SLC9A9: variants seen among roughly 807,000 people sequenced by gnomAD.
The protein encoded by SLC9A9 is sodium/hydrogen exchanger 9.
Under a neutral mutation model 77.8 loss-of-function variants are expected in SLC9A9, and 62 were observed. That is an observed-to-expected ratio of 0.80 (90% CI 0.65 to 0.98). The LOEUF (loss-of-function observed/expected upper bound fraction) is 0.98, where lower values mean the gene tolerates loss of function less well. Among genes scored for constraint, SLC9A9 ranks in the 50% least tolerant of loss-of-function variants. The pLI is 0.00. For missense variants in SLC9A9, 775 were observed against 774.9 expected (o/e 1.00, Z 0.00); for synonymous variants, 320 against 283.5 (o/e 1.13, Z -1.29).
chr3:143,450,208 A>G (rs894407912), intron 12 of SLC9A9, among the ~76,000 whole-genome samples: 1 of 136,758 alleles, frequency 7.3e-6, no homozygotes, highest in African/African-American at 2.7e-5. Flanking sequence ...AAATATATAA[A>G]TAATAAGATA....
intron 14 of SLC9A9, among the ~76,000 whole-genome samples, chr3:143,328,240 T>A (rs149177895): frequency 6.6e-6 from 1 of 152,368 alleles, no homozygotes; most frequent in East Asian, 1.9e-4. Flanking sequence ...CAGAGGAAAC[T>A]ATGTGTGGGA....
intron 5 of SLC9A9, among the ~76,000 whole-genome samples, chr3:143,670,681 C>A (rs2108764808): frequency 6.6e-6 from 1 of 152,310 alleles, no homozygotes; most frequent in East Asian, 1.9e-4. Context: ...CTTCTCCCCA[C>A]CAGGTGGTAC....
chr3:143,526,748 G>A (rs780803666), intron 9 of SLC9A9, among the ~76,000 whole-genome samples: 2 of 152,106 alleles, frequency 1.3e-5, no homozygotes, highest in African/African-American at 4.8e-5. Context: ...TCCTTGCCAG[G>A]GTTTGAGGCT....
intron 14 of SLC9A9, among the ~76,000 whole-genome samples, chr3:143,320,211 T>A (rs796919994): frequency 7.9e-5 from 12 of 152,376 alleles, no homozygotes; most frequent in African/African-American, 2.9e-4. Context: ...TACTATCGTA[T>A]CCTCAGTGCC....
intron 4 of SLC9A9, among the ~76,000 whole-genome samples, chr3:143,782,309 T>C (rs2007906388): frequency 6.6e-6 from 1 of 152,176 alleles, no homozygotes; most frequent in South Asian, 2.1e-4. Context: ...GATAGCAAAT[T>C]TCAGTGTGCT....
At chr3:143,827,990 C>T (rs150437371) in intron 2 of SLC9A9, among the ~76,000 whole-genome samples, 9 of 152,132 alleles carry the variant, frequency 5.9e-5, no homozygotes, top group Non-Finnish European at 1.2e-4. Context: ...GGTCTTAGCC[C>T]CAGGTGCCCT....
chr3:143,463,029 C>G (rs571315689), intron 12 of SLC9A9, among the ~76,000 whole-genome samples: 1 of 152,218 alleles, frequency 6.6e-6, no homozygotes, highest in East Asian at 1.9e-4. Context: ...AGGTTATATA[C>G]TTTGCATTTT....
At chr3:143,368,129 C>T (rs1559885357) in intron 13 of SLC9A9, among the ~76,000 whole-genome samples, 1 of 152,014 alleles carries the variant, frequency 6.6e-6, no homozygotes, top group Non-Finnish European at 1.5e-5. Context: ...TAGAAATGGG[C>T]CATTTGATAT....
In SLC9A9 at chr3:143,355,703, T is replaced by C. The variant is rs114979111; in HGVS notation, c.1604+7781A>G. On this transcript the variant is annotated intron_variant, in intron 14 of 15. Transcript: ENST00000316549. ...TTGGAATGACAGCTCTGTGGGAATT[T>C]CTTTACAGGTGCATCGCAAGTGCCC... is the stretch of plus-strand genomic sequence containing the variant. Among the ~76,000 whole-genome samples, 1,244 of 152,340 alleles carry C rather than the reference T, an allele frequency of 8.2e-3. 17 individuals carry two copies. The highest frequency in any genetic ancestry group is 0.027 in the African/African-American group (1,141 of 41,570).
chr3:143,398,720 A>T (rs1017678257), intron 12 of SLC9A9, among the ~76,000 whole-genome samples: 1 of 152,178 alleles, frequency 6.6e-6, no homozygotes, highest in African/African-American at 2.4e-5. Flanking sequence ...ATTATTAACC[A>T]TGTGCACTGA....
intron 4 of SLC9A9, among the ~76,000 whole-genome samples, chr3:143,728,903 G>C (rs1321259418): frequency 6.6e-6 from 1 of 151,668 alleles, no homozygotes; most frequent in African/African-American, 2.4e-5. Context: ...GAGGGGAGTG[G>C]GTGATGATGA....
intron 6 of SLC9A9, among the ~76,000 whole-genome samples, chr3:143,594,861 C>A (rs2037727031): frequency 6.6e-6 from 1 of 152,140 alleles, no homozygotes; most frequent in Admixed American, 6.5e-5. Context: ...CTATGCACAA[C>A]AAAATGTTTA....
At chr3:143,762,929 G>T (rs2007183792) in intron 4 of SLC9A9, among the ~76,000 whole-genome samples, 1 of 152,150 alleles carries the variant, frequency 6.6e-6, no homozygotes, top group Non-Finnish European at 1.5e-5. Flanking sequence ...GACAAACAGT[G>T]GGAAGCAATC....
chr3:143,726,164 A>C (rs1934646066), intron 4 of SLC9A9, among the ~76,000 whole-genome samples: 2 of 150,984 alleles, frequency 1.3e-5, no homozygotes, highest in African/African-American at 4.9e-5. Context: ...GCAGTAAACC[A>C]CCATGACACA....
chr3:143,386,098 A>G (rs80312714), intron 12 of SLC9A9, among the ~76,000 whole-genome samples: 2,559 of 152,186 alleles, frequency 0.017, 34 homozygotes, highest in South Asian at 0.071. Flanking sequence ...ATCCACCACG[A>G]TGCCCTTCCT....
chr3:143,465,764 T>C (rs2108568155), intron 12 of SLC9A9, among the ~76,000 whole-genome samples: 1 of 152,356 alleles, frequency 6.6e-6, no homozygotes, highest in South Asian at 2.1e-4. Context: ...TACTCATCCA[T>C]GGGAGCCTAC....
chr3:143,720,227 T>C (rs959709834), intron 4 of SLC9A9, among the ~76,000 whole-genome samples: 2 of 151,488 alleles, frequency 1.3e-5, no homozygotes, highest in Non-Finnish European at 2.9e-5. Context: ...CATGTATGTG[T>C]CTATATGTAT....
chr3:143,517,448 T>C (rs1437362932), intron 9 of SLC9A9: 31 of 1,596,846 alleles, frequency 1.9e-5, no homozygotes, highest in Non-Finnish European at 2.3e-5. Context: ...GGCTCTCTCA[T>C]GCTCCTCTTG....
intron 12 of SLC9A9, among the ~76,000 whole-genome samples, chr3:143,430,127 A>G (rs914407293): frequency 3.9e-5 from 6 of 152,164 alleles, no homozygotes; most frequent in African/African-American, 1.4e-4. Context: ...TTACACTTCA[A>G]AGTTAATGAC....
Sources: allele counts gnomAD v4.1 joint callset (sites outside exome capture counted in the v4.1 genomes callset), GRCh38; gene constraint gnomAD v4.1.1; transcripts MANE v1.5; gene names NCBI Gene and HGNC (gene_info 2026-07-23, HGNC 2026-07-21).